PRELID2: variants seen among roughly 807,000 people sequenced by gnomAD.
PRELID2 encodes PRELI domain-containing protein 2.
PRELID2 carries 25 observed loss-of-function variants against 28.4 expected under a neutral mutation model. That is an observed-to-expected ratio of 0.88 (90% CI 0.64 to 1.23). PRELID2 has a LOEUF of 1.23. PRELID2 is among the 50% of genes most tolerant of loss of function. The probability of loss-of-function intolerance (pLI) is 0.00; values close to 1 mark genes in which losing one functional copy is unlikely to be tolerated. For missense variants in PRELID2, 201 were observed against 214.4 expected, an observed-to-expected ratio of 0.94 and a Z score of 0.39; for synonymous variants, 76 against 71.6, an observed-to-expected ratio of 1.06 and a Z score of -0.31.
chr5:145,529,708 C>T (rs1752639146), intron 1 of PRELID2, among the ~76,000 whole-genome samples: 3 of 151,770 alleles, frequency 2.0e-5, no homozygotes, highest in Admixed American at 1.3e-4. Context: ...AGTAAACACA[C>T]ACAAACAACA....
chr5:145,544,079 C>T (rs1446070097), intron 1 of PRELID2, among the ~76,000 whole-genome samples: 1 of 151,936 alleles, frequency 6.6e-6, no homozygotes, highest in Non-Finnish European at 1.5e-5. Context: ...CAGAATTTTA[C>T]AGAAGAGGAA....
At chr5:145,364,163 A>T in the PRELID2 span, among the ~76,000 whole-genome samples, 5 of 152,098 alleles carry the variant, frequency 3.3e-5, no homozygotes, top group South Asian at 1.0e-3. Flanking sequence ...AAGGTAAACA[A>T]AACTGAAAGA....
chr5:145,405,391 G>A, the PRELID2 span, among the ~76,000 whole-genome samples: 1 of 152,100 alleles, frequency 6.6e-6, no homozygotes, highest in African/African-American at 2.4e-5. Context: ...AGAAATACCT[G>A]AGACTATGTC....
At chr5:145,449,373 T>A in the PRELID2 span, among the ~76,000 whole-genome samples, 2 of 151,984 alleles carry the variant, frequency 1.3e-5, no homozygotes, top group African/African-American at 2.4e-5. Context: ...GGGAGGATGA[T>A]CTTTTCCTGG....
chr5:145,346,682 A>AC, the PRELID2 span, among the ~76,000 whole-genome samples: 1 of 152,088 alleles, frequency 6.6e-6, no homozygotes, highest in African/African-American at 2.4e-5. Flanking sequence ...TATTGACAAA[A>AC]CCATCTGGCC....
intron 1 of PRELID2, among the ~76,000 whole-genome samples, chr5:145,561,340 G>A (rs1179406427): frequency 6.6e-6 from 1 of 151,968 alleles, no homozygotes; most frequent in East Asian, 1.9e-4. Context: ...ATTGGTGCAT[G>A]CCATCTTGGT....
At chr5:145,797,056 T>A (rs963575137) in intron 4 of PRELID2, among the ~76,000 whole-genome samples, 2 of 152,132 alleles carry the variant, frequency 1.3e-5, no homozygotes, top group African/African-American at 4.8e-5. Flanking sequence ...CAATCCTCGA[T>A]TGGAGAAGGG....
intron 1 of PRELID2, among the ~76,000 whole-genome samples, chr5:145,645,553 T>C (rs1212702474): frequency 6.6e-6 from 1 of 152,100 alleles, no homozygotes; most frequent in Non-Finnish European, 1.5e-5. Flanking sequence ...AACATTGTTA[T>C]GTGTGAATCT....
At chr5:145,273,053 C>T in the PRELID2 span, among the ~76,000 whole-genome samples, 1 of 152,010 alleles carries the variant, frequency 6.6e-6, no homozygotes, top group Non-Finnish European at 1.5e-5. Context: ...ATCTTGATCG[C>T]CATGCTGGAA....
At chr5:145,589,297 G>A (rs979276108) in intron 1 of PRELID2, among the ~76,000 whole-genome samples, 16 of 152,058 alleles carry the variant, frequency 1.1e-4, no homozygotes, top group African/African-American at 2.7e-4. Flanking sequence ...GATTACTCAC[G>A]TTAGAAAGGC....
the PRELID2 span, among the ~76,000 whole-genome samples, chr5:145,464,861 A>C: frequency 1.3e-5 from 2 of 152,132 alleles, no homozygotes; most frequent in East Asian, 3.9e-4. Flanking sequence ...CCATGGATTT[A>C]ATATTTTTAA....
At chr5:145,456,686 G>A in the PRELID2 span, among the ~76,000 whole-genome samples, 19 of 152,096 alleles carry the variant, frequency 1.2e-4, no homozygotes, top group Non-Finnish European at 2.5e-4. Flanking sequence ...GCTAATAGAC[G>A]CACAGTATTT....
chr5:145,355,304 C>T, the PRELID2 span, among the ~76,000 whole-genome samples: 1 of 152,060 alleles, frequency 6.6e-6, no homozygotes, highest in Non-Finnish European at 1.5e-5. Context: ...TAACATATTA[C>T]AGTAAGCTCA....
the PRELID2 span, among the ~76,000 whole-genome samples, chr5:145,427,882 C>T: frequency 2.0e-5 from 3 of 152,204 alleles, no homozygotes; most frequent in South Asian, 2.1e-4. Context: ...ATGGAGAGAA[C>T]AGATTGGAAG....
intron 1 of PRELID2, among the ~76,000 whole-genome samples, chr5:145,488,797 G>T (rs567358736): frequency 2.0e-5 from 3 of 152,140 alleles, no homozygotes. Flanking sequence ...CGACCTAGTA[G>T]TTTTTTATTC....
At chr5:145,700,538 G>T (rs551872891) in intron 1 of PRELID2, among the ~76,000 whole-genome samples, 6 of 149,764 alleles carry the variant, frequency 4.0e-5, no homozygotes, top group Admixed American at 1.3e-4. Context: ...GCAACAAAAG[G>T]GTTAATAACT....
the PRELID2 span, among the ~76,000 whole-genome samples, chr5:145,338,676 T>G: frequency 2.0e-5 from 3 of 152,214 alleles, no homozygotes; most frequent in Non-Finnish European, 4.4e-5. Context: ...ACTTTTTGAG[T>G]CTTTACTCTG....
intron 1 of PRELID2, among the ~76,000 whole-genome samples, chr5:145,689,352 C>T (rs1258660623): frequency 6.6e-6 from 1 of 152,050 alleles, no homozygotes; most frequent in Non-Finnish European, 1.5e-5. Context: ...AAGCAAGTGA[C>T]ACTGCCAAGG....
the PRELID2 span, among the ~76,000 whole-genome samples, chr5:145,319,059 C>T: frequency 6.0e-4 from 92 of 152,282 alleles, no homozygotes; most frequent in Non-Finnish European, 1.1e-3. Flanking sequence ...CTCTGCTTCT[C>T]TGTTCCTCTG....
Sources: allele counts gnomAD v4.1 joint callset (sites outside exome capture counted in the v4.1 genomes callset), GRCh38; gene constraint gnomAD v4.1.1; transcripts MANE v1.5; gene names NCBI Gene and HGNC (gene_info 2026-07-23, HGNC 2026-07-21).